Variants in ADAMTS20 observed in about 807,000 individuals in gnomAD.
ADAMTS20 encodes ADAM metallopeptidase with thrombospondin type 1 motif 20, also known as A disintegrin and metalloproteinase with thrombospondin motifs 20.
In ADAMTS20, 225 loss-of-function variants were observed where a neutral mutation model predicts 260.1. The observed-to-expected ratio is 0.87, with a 90% CI of 0.78 to 0.97. The LOEUF is 0.97. Ranked by LOEUF, ADAMTS20 falls within the 50% of genes least tolerant of loss-of-function variation. The pLI is 0.00. For missense variants in ADAMTS20, 2,400 were observed against 2,337.7 expected, an observed-to-expected ratio of 1.03 and a Z score of -0.55; for synonymous variants, 802 against 769.5, an observed-to-expected ratio of 1.04 and a Z score of -0.70.
chr12:43,354,649 C>T (rs1939706208), intron 38 of ADAMTS20, among the ~76,000 whole-genome samples: 1 of 152,022 alleles, frequency 6.6e-6, no homozygotes, highest in East Asian at 1.9e-4. Context: ...AAAACCTCTC[C>T]CAATTTGCAA....
At chr12:43,515,060 A>G (rs1403783846) in intron 3 of ADAMTS20, among the ~76,000 whole-genome samples, 1 of 152,210 alleles carries the variant, frequency 6.6e-6, no homozygotes, top group African/African-American at 2.4e-5. Flanking sequence ...AACAGCAGAC[A>G]ACAAATAACT....
At chr12:43,407,805 T>C (rs1195806642) in intron 28 of ADAMTS20, among the ~76,000 whole-genome samples, 4 of 152,126 alleles carry the variant, frequency 2.6e-5, no homozygotes, top group African/African-American at 9.7e-5. Flanking sequence ...CAATAGTAAA[T>C]GTAAGTCTAA....
At chr12:43,452,770 C>A in intron 12 of ADAMTS20, 75 bp from the exon 13 acceptor site, 1 of 1,345,014 alleles carries the variant, frequency 7.4e-7, no homozygotes, top group Non-Finnish European at 9.9e-7. Context: ...AAGTTCCATT[C>A]TTTTCCAGGA....
At chr12:43,518,817 G>GAA (rs34834714) in intron 3 of ADAMTS20, among the ~76,000 whole-genome samples, 14 of 111,950 alleles carry the variant, frequency 1.3e-4, no homozygotes, top group South Asian at 1.1e-3. Context: ...ACTGGCTCAG[G>GAA]AAAAAAAAAA....
chr12:43,470,197 G>C lies in ADAMTS20; in HGVS notation c.1118-1492C>G, dbSNP rs920397510. ...ATATGTTTCTCTTTTGTCAGGATAAGTTTAAGGGAAACGCATTTCTTTCAT... is the reference window on the plus strand; with the variant it reads ...ATATGTTTCTCTTTTGTCAGGATAACTTTAAGGGAAACGCATTTCTTTCAT... On this transcript the variant is annotated intron_variant, in intron 7 of 38. Transcript: ENST00000389420. Among the ~76,000 whole-genome samples, 17 of 152,252 alleles carry C rather than the reference G, an allele frequency of 1.1e-4. 1 individual carries two copies. In the East Asian group the frequency reaches 3.3e-3, roughly 29 times the overall value.
chr12:43,540,974 T>C (rs1272150804), intron 2 of ADAMTS20, among the ~76,000 whole-genome samples: 1 of 152,206 alleles, frequency 6.6e-6, no homozygotes, highest in Non-Finnish European at 1.5e-5. Flanking sequence ...TTCAGTATCA[T>C]GGCATTCATC....
intron 29 of ADAMTS20, among the ~76,000 whole-genome samples, chr12:43,392,731 C>A (rs2137241563): frequency 6.6e-6 from 1 of 152,170 alleles, no homozygotes; most frequent in Admixed American, 6.5e-5. Context: ...CACCACTGAT[C>A]ACTTTCTGTT....
chr12:43,532,254 C>G (rs1277883881), intron 2 of ADAMTS20, 59 bp from the exon 3 acceptor site: 3 of 1,458,094 alleles, frequency 2.1e-6, no homozygotes, highest in Non-Finnish European at 2.8e-6. Context: ...AGAAAAAACA[C>G]ATAGTACCAC....
rs764036886 is a variant in ADAMTS20 at position 43,551,017 on chromosome 12, C to A, written c.345G>T (p.Gly115=). The A allele has an allele frequency of 1.4e-5, 23 of 1,613,618 alleles. No homozygotes were observed. Among genetic ancestry groups the A allele is most frequent in the South Asian group, 1.2e-4 (11 of 91,068 alleles). The part of the protein sequence containing the change: ...TEVHLGTPER[G]AWESDAGPSD... ...AGGGCCCTGCGTCGCTCTCCCAGGC[C>A]CCGCGCTCCGGGGTTCCCAAGTGCA... The change falls in exon 2 of 39, where the codon GGG becomes GGT. Residue 115 remains glycine, a synonymous_variant. Coordinates refer to ENST00000389420, the MANE Select transcript of ADAMTS20 (RefSeq NM_025003.5). This position sits in a 1 kb window ranked among gnomAD's most constrained non-coding sequence, Gnocchi z 4.6.
rs115834733 is a variant in ADAMTS20, at chr12:43,462,376, A to G, written c.1614+519T>C. 6.0e-3 allele frequency among the ~76,000 whole-genome samples: 918 copies of G among 152,294 alleles called. 11 individuals carry two copies. Among genetic ancestry groups the G allele is most frequent in the African/African-American group, 0.021 (876 of 41,552 alleles). ...GTGAGCGTTATTCAACATCATGTTGACAGCTTTAGATAAGTTCATGACTGT... is the reference window on the plus strand; with the variant it reads ...GTGAGCGTTATTCAACATCATGTTGGCAGCTTTAGATAAGTTCATGACTGT... On this transcript the variant is annotated intron_variant, in intron 11 of 38. Coordinates refer to ENST00000389420, the MANE Select transcript of ADAMTS20 (RefSeq NM_025003.5).
rs1198759318 is a variant in ADAMTS20 at position 43,501,473 on chromosome 12, G to GCACACACA, written c.867+678_867+679insTGTGTGTG. 2.2e-3 allele frequency among the ~76,000 whole-genome samples: 120 copies of GCACACACA among 55,528 alleles called. 1 individual carries two copies. Among genetic ancestry groups the GCACACACA allele is most frequent in the African/African-American group, 8.1e-3 (107 of 13,252 alleles). The allele number at this position is 55,528 out of a possible 152,430, so 36.4% of individuals were successfully genotyped here. On this transcript the variant is annotated intron_variant, in intron 4 of 38. Transcript: ENST00000389420. ...GGTGGAGGGGGATACGCGCGCGCGC[G>GCACACACA]CGCGCGCGCACACACACACACACAC... is the stretch of plus-strand genomic sequence containing the variant.
chr12:43,530,710 T>C (rs1304069031), intron 3 of ADAMTS20, among the ~76,000 whole-genome samples: 1 of 152,138 alleles, frequency 6.6e-6, no homozygotes, highest in Non-Finnish European at 1.5e-5. Flanking sequence ...TCGTTGCATG[T>C]CATTCTATGA....
chr12:43,373,221 C>T (rs1489110916), intron 36 of ADAMTS20, among the ~76,000 whole-genome samples: 1 of 152,220 alleles, frequency 6.6e-6, no homozygotes, highest in Non-Finnish European at 1.5e-5. Flanking sequence ...ATATATTTGA[C>T]ATTGCATGCT....
chr12:43,484,142 C>G (rs1220956709), intron 7 of ADAMTS20, among the ~76,000 whole-genome samples: 1 of 152,006 alleles, frequency 6.6e-6, no homozygotes, highest in Non-Finnish European at 1.5e-5. Context: ...AAAAGCACAT[C>G]CTCAAGGGGG....
At position 43,502,222 on chromosome 12, in the gene ADAMTS20, G is replaced by A. The variant is rs1389088931; in HGVS notation, c.797C>T (p.Thr266Ile). 6.2e-7 allele frequency: 1 copy of A among 1,612,098 alleles called. No individual in the cohort carries two copies. Residue 266 changes from threonine to isoleucine, a missense_variant, in exon 4 of 39, where the codon ACA becomes ATA. Thr to Ile is a moderately conservative substitution (Grantham distance 89, BLOSUM62 -1). Coordinates refer to ENST00000389420, the MANE Select transcript of ADAMTS20 (RefSeq NM_025003.5). ...AGCAGAAACCACTTTAGCATCAGCT[G>A]TAACCATAATTTCAATGTATCTTGG... The part of the protein sequence containing the change: ...SYPRYIEIMV[T>I]ADAKVVSAHG...
chr12:43,448,792 G>GA (rs200765482), intron 14 of ADAMTS20, among the ~76,000 whole-genome samples: 8 of 148,168 alleles, frequency 5.4e-5, no homozygotes, highest in East Asian at 2.0e-4. Flanking sequence ...AAATTTACAA[G>GA]AAAAAAAAAC....
chr12:43,399,403 G>A (rs1156354345), intron 28 of ADAMTS20, among the ~76,000 whole-genome samples, 170 bp from the exon 29 acceptor site: 1 of 152,040 alleles, frequency 6.6e-6, no homozygotes, highest in African/African-American at 2.4e-5. Flanking sequence ...AATCTGCTCT[G>A]GACCATCAAT....
intron 29 of ADAMTS20, among the ~76,000 whole-genome samples, chr12:43,397,306 GT>G (rs1940724484): frequency 6.6e-6 from 1 of 152,178 alleles, no homozygotes; most frequent in African/African-American, 2.4e-5. Flanking sequence ...TTAGGTTTTA[GT>G]CTTACTCCCT....
At chr12:43,430,274 G>T in intron 23 of ADAMTS20, 78 bp downstream of exon 23, 1 of 1,459,172 alleles carries the variant, frequency 6.9e-7, no homozygotes, top group South Asian at 1.5e-5. Flanking sequence ...AAAAAAATAA[G>T]TAAAGAAATA....
Sources: allele counts gnomAD v4.1 joint callset (sites outside exome capture counted in the v4.1 genomes callset), GRCh38; gene constraint gnomAD v4.1.1; non-coding constraint Gnocchi (gnomAD v3.1); transcripts MANE v1.5; gene names NCBI Gene and HGNC (gene_info 2026-07-23, HGNC 2026-07-21).